The following C12orf42 variants were observed in gnomAD, a reference collection of about 807,000 sequenced individuals.
C12orf42 encodes chromosome 12 open reading frame 42.
C12orf42 carries 25 observed loss-of-function variants against 21.6 expected under a neutral mutation model. The observed-to-expected ratio is 1.16, with a 90% CI of 0.84 to 1.62. The LOEUF (loss-of-function observed/expected upper bound fraction) is 1.62, where lower values mean the gene tolerates loss of function less well. C12orf42 is among the 40% of genes most tolerant of loss of function. C12orf42 has a pLI of 0.00. For synonymous variants in C12orf42, 174 were observed against 175.0 expected (o/e 0.99, Z 0.05); for missense variants, 483 against 459.3 (o/e 1.05, Z -0.47).
downstream of C12orf42, among the ~76,000 whole-genome samples, chr12:103,264,110 A>G (rs1453833066): frequency 6.6e-6 from 1 of 151,994 alleles, no homozygotes; most frequent in African/African-American, 2.4e-5. Context: ...TTGGACATAT[A>G]TTTACTTACT....
the C12orf42 span, among the ~76,000 whole-genome samples, chr12:103,106,466 G>T: frequency 1.3e-5 from 2 of 151,614 alleles, no homozygotes; most frequent in Non-Finnish European, 2.9e-5. Flanking sequence ...GAGTAATTTG[G>T]GTTTGTTTAA....
the C12orf42 span, among the ~76,000 whole-genome samples, chr12:103,171,408 A>G: frequency 6.6e-6 from 1 of 152,150 alleles, no homozygotes; most frequent in East Asian, 1.9e-4. Context: ...GTGAGTGAAT[A>G]AACAAATGGA....
chr12:103,317,722 T>G (rs2039658719), intron 4 of C12orf42, among the ~76,000 whole-genome samples: 1 of 152,176 alleles, frequency 6.6e-6, no homozygotes, highest in Admixed American at 6.5e-5. Context: ...ACTGAGCATT[T>G]TTTTCTTTAA....
In C12orf42 at chr12:103,432,207, T is replaced by C. The variant is rs192506354; in HGVS notation, c.79-30532A>G. Among the ~76,000 whole-genome samples, 56 of 152,272 alleles carry C rather than the reference T, an allele frequency of 3.7e-4. No individual in the cohort carries two copies. The East Asian group carries it at 0.01, about 27-fold the overall frequency. On this transcript the variant is annotated intron_variant, in intron 2 of 5. Transcript: ENST00000548883. ...TCATACACCAGTTAAGCTCAGCCAT[T>C]TTGCCTCTTAGTAAGCATGCTTAAC...
intron 4 of C12orf42, among the ~76,000 whole-genome samples, chr12:103,314,329 C>T (rs1480485817): frequency 1.3e-5 from 2 of 152,098 alleles, no homozygotes; most frequent in South Asian, 4.1e-4. Context: ...AGGCAGCCGG[C>T]AGTTGCCCAG....
chr12:103,308,636 A>T (rs1258053042), intron 4 of C12orf42, among the ~76,000 whole-genome samples: 2 of 152,190 alleles, frequency 1.3e-5, no homozygotes, highest in Admixed American at 6.5e-5. Context: ...ACTTGTCTGG[A>T]CAAATAAAGG....
At chr12:103,343,486 A>C (rs2042334553) in intron 4 of C12orf42, among the ~76,000 whole-genome samples, 1 of 152,178 alleles carries the variant, frequency 6.6e-6, no homozygotes, top group Non-Finnish European at 1.5e-5. Context: ...GTGCAAAAAA[A>C]CACTTTCTGA....
intron 2 of C12orf42, among the ~76,000 whole-genome samples, chr12:103,421,406 C>T (rs1230151128): frequency 6.6e-6 from 1 of 151,698 alleles, no homozygotes; most frequent in Non-Finnish European, 1.5e-5. Flanking sequence ...CCTGTCTCTA[C>T]AAAATAAAAT....
chr12:103,437,675 G>C (rs1176557024), intron 2 of C12orf42, among the ~76,000 whole-genome samples: 3 of 151,374 alleles, frequency 2.0e-5, no homozygotes, highest in Non-Finnish European at 3.0e-5. Flanking sequence ...TAAATTCCTC[G>C]ACACATACAC....
At chr12:103,495,327 G>C (rs952633051) in intron 1 of C12orf42, among the ~76,000 whole-genome samples, 20 of 152,256 alleles carry the variant, frequency 1.3e-4, no homozygotes, top group African/African-American at 4.8e-4. Context: ...GATCTGGGGA[G>C]GGCATTCAGT....
At chr12:103,234,990 A>G (rs1365737819), downstream of C12orf42, among the ~76,000 whole-genome samples, 2 of 152,188 alleles carry the variant, frequency 1.3e-5, no homozygotes, top group East Asian at 1.9e-4. Flanking sequence ...AAAATATGCA[A>G]ATTTCCATAT....
chr12:103,481,306 T>C (rs1954453999), intron 1 of C12orf42, among the ~76,000 whole-genome samples: 1 of 152,008 alleles, frequency 6.6e-6, no homozygotes, highest in Non-Finnish European at 1.5e-5. Flanking sequence ...CTCTGTTCTA[T>C]CATGAAAAAA....
chr12:103,136,741 A>C, the C12orf42 span, among the ~76,000 whole-genome samples: 4 of 152,206 alleles, frequency 2.6e-5, no homozygotes, highest in Non-Finnish European at 5.9e-5. Flanking sequence ...TTTACAGTCA[A>C]CCACTTTTTG....
At chr12:103,378,299 C>T (rs187018175) in intron 3 of C12orf42, among the ~76,000 whole-genome samples, 1 of 152,310 alleles carries the variant, frequency 6.6e-6, no homozygotes, top group African/African-American at 2.4e-5. Context: ...TCTACACTGT[C>T]TAGATTTGGA....
the C12orf42 span, among the ~76,000 whole-genome samples, chr12:103,137,143 C>A: frequency 6.6e-6 from 1 of 151,928 alleles, no homozygotes; most frequent in South Asian, 2.1e-4. Context: ...AACTAATATT[C>A]AAAATATATG....
chr12:103,498,764 A>T (rs1487944498), upstream of C12orf42, among the ~76,000 whole-genome samples: 2 of 151,778 alleles, frequency 1.3e-5, no homozygotes, highest in Non-Finnish European at 2.9e-5. Context: ...GCAAACTAAC[A>T]CTAGAACAGA....
chr12:103,155,092 A>G, the C12orf42 span: 1 of 152,250 alleles, frequency 6.6e-6, no homozygotes, highest in African/African-American at 2.4e-5. Context: ...ATTTAGCTGG[A>G]AATGTACCAC....
chr12:103,563,613 A>G, the C12orf42 span, among the ~76,000 whole-genome samples: 2 of 152,298 alleles, frequency 1.3e-5, no homozygotes, highest in East Asian at 3.9e-4. Flanking sequence ...GGTAATCTAG[A>G]CTAGCTTCAG....
chr12:103,434,044 T>C (rs1220465208), intron 2 of C12orf42, among the ~76,000 whole-genome samples: 1 of 152,144 alleles, frequency 6.6e-6, no homozygotes, highest in Admixed American at 6.5e-5. Flanking sequence ...TTTTGTTTTA[T>C]TTTTTTAAAA....
Sources: allele counts gnomAD v4.1 joint callset (sites outside exome capture counted in the v4.1 genomes callset), GRCh38; gene constraint gnomAD v4.1.1; transcripts MANE v1.5; gene names NCBI Gene and HGNC (gene_info 2026-07-23, HGNC 2026-07-21).